ADORA2B: variants seen among roughly 807,000 people sequenced by gnomAD.
ADORA2B encodes the protein adenosine A2b receptor.
Under a neutral mutation model 20.8 loss-of-function variants are expected in ADORA2B, and 18 were observed. That is an observed-to-expected ratio of 0.87 (90% CI 0.60 to 1.29). The LOEUF (loss-of-function observed/expected upper bound fraction) is 1.29, where lower values mean the gene tolerates loss of function less well. Ranked by LOEUF, ADORA2B falls within the 50% of genes most tolerant of loss-of-function variation. ADORA2B has a pLI of 0.00. For synonymous variants in ADORA2B, 179 were observed against 178.3 expected, an observed-to-expected ratio of 1.00 and a Z score of -0.03; for missense variants, 441 against 422.7, an observed-to-expected ratio of 1.04 and a Z score of -0.38.
At chr17:15,882,449 C>T in the ADORA2B span, among the ~76,000 whole-genome samples, 1 of 152,180 alleles carries the variant, frequency 6.6e-6, no homozygotes, top group Non-Finnish European at 1.5e-5. Flanking sequence ...CACAGTGGCT[C>T]ATGTCTGTAA....
the ADORA2B span, among the ~76,000 whole-genome samples, chr17:15,930,344 T>C: frequency 3.3e-5 from 5 of 151,306 alleles, no homozygotes; most frequent in Admixed American, 2.6e-4. Context: ...TCACCCAGGC[T>C]GGAGTGCAGT....
At chr17:15,927,508 G>A in the ADORA2B span, among the ~76,000 whole-genome samples, 1 of 151,884 alleles carries the variant, frequency 6.6e-6, no homozygotes, top group Non-Finnish European at 1.5e-5. Context: ...TTTGCTGGGT[G>A]TGGTGGCGGG....
At chr17:15,964,210 ATTG>A (rs1970072578) in intron 1 of ADORA2B, among the ~76,000 whole-genome samples, 1 of 152,142 alleles carries the variant, frequency 6.6e-6, no homozygotes, top group Non-Finnish European at 1.5e-5. Context: ...TACTTTTTTT[ATTG>A]TTGTTTTTGT....
At chr17:15,893,490 C>CTT in the ADORA2B span, among the ~76,000 whole-genome samples, 7 of 150,948 alleles carry the variant, frequency 4.6e-5, no homozygotes, top group South Asian at 2.1e-4. Context: ...TCCTTCCTTC[C>CTT]CTCCCTCCCT....
At chr17:15,961,401 A>G (rs1970041170) in intron 1 of ADORA2B, among the ~76,000 whole-genome samples, 1 of 152,206 alleles carries the variant, frequency 6.6e-6, no homozygotes, top group Non-Finnish European at 1.5e-5. Flanking sequence ...AATACTGTCT[A>G]CATGAGTGGT....
At chr17:15,924,829 C>A in the ADORA2B span, among the ~76,000 whole-genome samples, 1 of 151,568 alleles carries the variant, frequency 6.6e-6, no homozygotes, top group South Asian at 2.1e-4. Context: ...CCCCCTTAGC[C>A]CCTCCAGTCT....
intron 1 of ADORA2B, among the ~76,000 whole-genome samples, chr17:15,946,053 C>T (rs1969801629): frequency 6.6e-6 from 1 of 152,170 alleles, no homozygotes; most frequent in Non-Finnish European, 1.5e-5. Flanking sequence ...CCGGGAGGTT[C>T]CCACTAAGGG....
chr17:15,903,432 T>A, the ADORA2B span, among the ~76,000 whole-genome samples: 1 of 152,268 alleles, frequency 6.6e-6, no homozygotes, highest in Non-Finnish European at 1.5e-5. Flanking sequence ...AATTCACCTT[T>A]TATGTAAATT....
chr17:15,868,416 A>G, the ADORA2B span, among the ~76,000 whole-genome samples: 1 of 139,318 alleles, frequency 7.2e-6, no homozygotes, highest in African/African-American at 2.5e-5. Flanking sequence ...CTTAATTTTA[A>G]TTAAGTCTAA....
chr17:15,852,287 GA>G, the ADORA2B span, among the ~76,000 whole-genome samples: 1 of 152,076 alleles, frequency 6.6e-6, no homozygotes, highest in Non-Finnish European at 1.5e-5. Flanking sequence ...ATTAGATTAT[GA>G]AAATATTCTT....
the ADORA2B span, among the ~76,000 whole-genome samples, chr17:15,892,230 G>A: frequency 6.6e-6 from 1 of 151,110 alleles, no homozygotes; most frequent in African/African-American, 2.4e-5. Flanking sequence ...GTGCAGTGGC[G>A]TGATCTAGGC....
At chr17:15,873,975 T>C in the ADORA2B span, among the ~76,000 whole-genome samples, 1 of 151,774 alleles carries the variant, frequency 6.6e-6, no homozygotes, top group Non-Finnish European at 1.5e-5. Context: ...GTTGCAAAGA[T>C]GTGTAACCAA....
In ADORA2B at chr17:15,960,084, A is replaced by G. The variant is rs545003959; in HGVS notation, c.335+14501A>G. ...GAAGTTCAAGACCAGCCTGGGCAAC[A>G]CAGCGAGGCCCCATCTCTATGAAAA... On this transcript the variant is annotated intron_variant, in intron 1 of 1. Coordinates refer to ENST00000304222, the MANE Select transcript of ADORA2B (RefSeq NM_000676.4). 1.6e-3 allele frequency among the ~76,000 whole-genome samples: 251 copies of G among 152,236 alleles called. 2 individuals are homozygous for G. Among genetic ancestry groups the G allele is most frequent in the African/African-American group, 5.8e-3 (241 of 41,544 alleles).
chr17:15,964,852 GA>G (rs1970087601), intron 1 of ADORA2B, among the ~76,000 whole-genome samples: 1 of 151,894 alleles, frequency 6.6e-6, no homozygotes, highest in South Asian at 2.1e-4. Flanking sequence ...ACGAGGTCAG[GA>G]GATCGAGACC....
the ADORA2B span, among the ~76,000 whole-genome samples, chr17:15,874,058 ATGTG>A: frequency 0.024 from 2,163 of 91,222 alleles, 84 homozygotes; most frequent in African/African-American, 0.076. Flanking sequence ...ATATATATAT[ATGTG>A]TGTGTGTATA....
intron 1 of ADORA2B, among the ~76,000 whole-genome samples, chr17:15,966,580 C>T (rs1359776699): frequency 6.6e-6 from 1 of 152,236 alleles, no homozygotes; most frequent in Admixed American, 6.5e-5. Flanking sequence ...CCTTACGTAA[C>T]CTCAGTGTTC....
chr17:15,909,069 A>G, the ADORA2B span, among the ~76,000 whole-genome samples: 1 of 151,998 alleles, frequency 6.6e-6, no homozygotes, highest in African/African-American at 2.4e-5. Flanking sequence ...GCTCACACCT[A>G]TAGTCTCAGC....
the ADORA2B span, among the ~76,000 whole-genome samples, chr17:15,903,644 G>C: frequency 1.3e-5 from 2 of 152,106 alleles, no homozygotes; most frequent in African/African-American, 2.4e-5. Flanking sequence ...TTCTTGTTTG[G>C]AAAATTATTG....
chr17:15,897,768 C>T, the ADORA2B span, among the ~76,000 whole-genome samples: 1 of 152,026 alleles, frequency 6.6e-6, no homozygotes, highest in Admixed American at 6.6e-5. Context: ...TTTGATAACC[C>T]TGAGAGGATG....
Sources: allele counts gnomAD v4.1 joint callset (sites outside exome capture counted in the v4.1 genomes callset), GRCh38; gene constraint gnomAD v4.1.1; transcripts MANE v1.5; gene names NCBI Gene and HGNC (gene_info 2026-07-23, HGNC 2026-07-21).